PLCXD2: variants seen among roughly 807,000 people sequenced by gnomAD.
PLCXD2 encodes PI-PLC X domain-containing protein 2.
A neutral mutation model predicts 28.6 loss-of-function variants in PLCXD2; 21 were observed. That is an observed-to-expected ratio of 0.73 (90% confidence interval 0.52 to 1.06). The LOEUF is 1.06. PLCXD2 is among the 50% of genes least tolerant of loss of function. The probability of loss-of-function intolerance (pLI) is 0.00; values close to 1 mark genes in which losing one functional copy is unlikely to be tolerated. For missense variants in PLCXD2, 369 were observed against 376.7 expected (o/e 0.98, Z 0.17); for synonymous variants, 140 against 150.1 (o/e 0.93, Z 0.49).
chr3:111,714,085 G>A lies in PLCXD2; in HGVS notation c.823G>A (p.Ala275Thr). 1 of 1,614,116 alleles carries A rather than the reference G, an allele frequency of 6.2e-7. No individual in the cohort carries two copies. Among genetic ancestry groups the A allele is most frequent in the South Asian group, 1.1e-5 (1 of 91,078 alleles). Residue 275 changes from alanine (A) to threonine (T), a missense_variant, in exon 3 of 5, where the codon GCC (alanine) becomes ACC (threonine). Physicochemically the swap from Ala to Thr is moderately conservative, Grantham distance 58. Transcript: ENST00000477665. ...CCTCACCCCCAGAGTGAAGACCATT[G>A]CCCGGGGCTTGGTTGGGGGCCTCAA...
At chr3:111,722,744 T>C (rs1006889556) in intron 3 of PLCXD2, 1 of 152,254 alleles carries the variant, frequency 6.6e-6, no homozygotes, top group African/African-American at 2.4e-5. Context: ...GGATTTTGCA[T>C]GTTGCTTGCA....
chr3:111,715,245 C>T (rs1202225052), intron 3 of PLCXD2, among the ~76,000 whole-genome samples: 2 of 152,176 alleles, frequency 1.3e-5, no homozygotes, highest in African/African-American at 2.4e-5. Flanking sequence ...CACTATATCT[C>T]TTTGAAAGAT....
Position 111,674,972 on chromosome 3 carries a change from A to G in PLCXD2, c.-274A>G, listed in dbSNP as rs1420512034. 2.4e-6 allele frequency: 1 copy of G among 412,522 alleles called. No individual in the cohort carries two copies. The highest frequency in any genetic ancestry group is 4.3e-6 in the Non-Finnish European group (1 of 231,676). The allele number at this position is 412,522 out of a possible 1,614,324, so 25.6% of individuals were successfully genotyped here. ...ATGTAAGATTTATCTCTAGGGGCCTACCTTCCCCCATCTCCAGAGGGGAAC... is the reference window on the plus strand; with the variant it reads ...ATGTAAGATTTATCTCTAGGGGCCTGCCTTCCCCCATCTCCAGAGGGGAAC... On this transcript the variant is annotated 5_prime_UTR_variant, in exon 1 of 5. Transcript: ENST00000477665.
intron 3 of PLCXD2, chr3:111,724,662 TG>T (rs1265553242): frequency 6.6e-6 from 1 of 152,204 alleles, no homozygotes; most frequent in African/African-American, 2.4e-5. Flanking sequence ...TACTTCTTCC[TG>T]GGAAGTAAAA....
chr3:111,718,260 C>G (rs1383116187), intron 3 of PLCXD2, among the ~76,000 whole-genome samples: 1 of 152,050 alleles, frequency 6.6e-6, no homozygotes, highest in East Asian at 1.9e-4. Flanking sequence ...GTCAGGAGAT[C>G]GAGACCATCC....
At chr3:111,708,518 A>C in intron 2 of PLCXD2, 132 bp downstream of exon 2, 1 of 857,222 alleles carries the variant, frequency 1.2e-6, no homozygotes, top group East Asian at 2.7e-5. Context: ...AATATTAAAC[A>C]TATGCAAACT....
At chr3:111,707,037 C>A (rs1375379021) in intron 1 of PLCXD2, among the ~76,000 whole-genome samples, 2 of 152,100 alleles carry the variant, frequency 1.3e-5, no homozygotes, top group African/African-American at 4.8e-5. Context: ...AGAAAATCAA[C>A]AAAGAAACAT....
At chr3:111,703,201 A>C (rs1210054155) in intron 1 of PLCXD2, among the ~76,000 whole-genome samples, 1 of 152,172 alleles carries the variant, frequency 6.6e-6, no homozygotes, top group Non-Finnish European at 1.5e-5. Flanking sequence ...CCTGTCCTGT[A>C]AAGGGGGTTG....
chr3:111,685,075 G>A (rs994216803), intron 1 of PLCXD2, among the ~76,000 whole-genome samples: 1 of 152,106 alleles, frequency 6.6e-6, no homozygotes, highest in Non-Finnish European at 1.5e-5. Flanking sequence ...AGGCACCTGT[G>A]GGACATTTCA....
At position 111,686,163 on chromosome 3, in the gene PLCXD2, A is replaced by G. The variant is rs528038112; in HGVS notation, c.163+10755A>G. ...TAGATACTTCATTTGAAAGTATTGCAGGTCTAAAAAGTACCCTGTAAACCT... is the reference window on the plus strand; with the variant it reads ...TAGATACTTCATTTGAAAGTATTGCGGGTCTAAAAAGTACCCTGTAAACCT... On this transcript the variant is annotated intron_variant, in intron 1 of 4. Transcript: ENST00000477665. Among the ~76,000 whole-genome samples the G allele has an allele frequency of 7.9e-5, 12 of 152,332 alleles. No individual in the cohort carries two copies. The South Asian group carries it at 2.5e-3, about 32-fold the overall frequency.
intron 1 of PLCXD2, among the ~76,000 whole-genome samples, chr3:111,695,366 A>G (rs186054737): frequency 6.6e-5 from 10 of 152,336 alleles, no homozygotes; most frequent in Non-Finnish European, 1.0e-4. Flanking sequence ...TTTTTCCTGT[A>G]CATACATGCC....
intron 3 of PLCXD2, among the ~76,000 whole-genome samples, chr3:111,715,996 G>A (rs965683375): frequency 2.6e-5 from 4 of 152,198 alleles, no homozygotes; most frequent in Admixed American, 6.5e-5. Flanking sequence ...TTTCCTTTAT[G>A]ATGAGAGATA....
Position 111,708,109 on chromosome 3 carries a change from G to A in PLCXD2, c.347G>A (p.Arg116His), listed in dbSNP as rs555338951. The change falls in exon 2 of 5, where the codon CGT becomes CAT. Residue 116 changes from arginine (R) to histidine (H), a missense_variant. Arg to His is a conservative substitution (Grantham distance 29). Transcript: ENST00000477665. ...GCTGGGATCCGCTACTTTGACCTGC[G>A]TGTGTCTTCCAAACCAGGGGATGCC... is the stretch of plus-strand genomic sequence containing the variant. The A allele has an allele frequency of 2.4e-5, 39 of 1,614,210 alleles. No individual in the cohort carries two copies. Among genetic ancestry groups the A allele is most frequent in the African/African-American group, 4.0e-5 (3 of 75,048 alleles).
chr3:111,692,102 C>T (rs1444732954), intron 1 of PLCXD2, among the ~76,000 whole-genome samples: 1 of 152,146 alleles, frequency 6.6e-6, no homozygotes, highest in Non-Finnish European at 1.5e-5. Context: ...AGTGCAGTGG[C>T]GCGATCTCGG....
At chr3:111,708,432 CT>C (rs778958914) in intron 2 of PLCXD2, 46 bp downstream of exon 2, 1 of 1,530,370 alleles carries the variant, frequency 6.5e-7, no homozygotes, top group Non-Finnish European at 8.9e-7. Context: ...GAATTTAACT[CT>C]TCCTGCTTTT....
intron 1 of PLCXD2, among the ~76,000 whole-genome samples, chr3:111,682,586 C>T (rs1483609947): frequency 6.6e-6 from 1 of 152,170 alleles, no homozygotes; most frequent in Non-Finnish European, 1.5e-5. Context: ...TGGCAGCAGT[C>T]TGCAGTAGTG....
In PLCXD2 at chr3:111,675,159, G is replaced by T; in HGVS notation, c.-87G>T. 2 of 1,487,106 alleles carry T rather than the reference G, an allele frequency of 1.3e-6. No homozygotes were observed. Among genetic ancestry groups the T allele is most frequent in the Admixed American group, 4.2e-5 (2 of 48,002 alleles). The allele number at this position is 1,487,106 out of a possible 1,614,324, so 92.1% of individuals were successfully genotyped here. A position where few individuals can be genotyped will look rare whatever the true frequency, so the allele number is the denominator to read the frequency against. ...TGGAAAGACTGGCGTGGCAAGCGTC[G>T]CCCTGAAACGTCCACAGAGCCCAAG... On this transcript the variant is annotated 5_prime_UTR_variant, in exon 1 of 5. Transcript: ENST00000477665.
At chr3:111,686,591 T>A (rs1474620020) in intron 1 of PLCXD2, among the ~76,000 whole-genome samples, 1 of 152,188 alleles carries the variant, frequency 6.6e-6, no homozygotes, top group East Asian at 1.9e-4. Flanking sequence ...ATTTGGAATC[T>A]TGGACTCATA....
chr3:111,723,991 C>T (rs1010596310), intron 3 of PLCXD2: 22 of 152,114 alleles, frequency 1.4e-4, no homozygotes, highest in Admixed American at 3.9e-4. Flanking sequence ...TTCATGAGCT[C>T]CCTGGACCAT....
Sources: gnomAD v4.1 joint callset for allele counts (sites outside exome capture counted in the v4.1 genomes callset) on GRCh38, gnomAD v4.1.1 for gene constraint, MANE v1.5 for transcripts, NCBI Gene and HGNC (gene_info 2026-07-23, HGNC 2026-07-21) for gene names.